The following MMP17 variants were observed in gnomAD, a reference collection of about 807,000 sequenced individuals.
MMP17 encodes the protein matrix metallopeptidase 17, also known as matrix metalloproteinase-17.
MMP17 carries 54 observed loss-of-function variants against 49.1 expected under a neutral mutation model. The ratio of observed to expected loss-of-function variants is 1.10; its 90% CI spans 0.88 to 1.38. The LOEUF (loss-of-function observed/expected upper bound fraction) is 1.38, where lower values mean the gene tolerates loss of function less well. Ranked by LOEUF, MMP17 falls within the 40% of genes most tolerant of loss-of-function variation. The probability of loss-of-function intolerance (pLI) is 0.00; values close to 1 mark genes in which losing one functional copy is unlikely to be tolerated. For missense variants in MMP17, 837 were observed against 853.7 expected (o/e 0.98, Z 0.24); for synonymous variants, 397 against 383.1 (o/e 1.04, Z -0.42).
chr12:131,848,663 T>G (rs1887825257), intron 8 of MMP17, among the ~76,000 whole-genome samples: 1 of 152,044 alleles, frequency 6.6e-6, no homozygotes, highest in African/African-American at 2.4e-5. Flanking sequence ...CCCATGTCAG[T>G]GGGACAGACA....
At chr12:131,843,832 A>C (rs1887550572) in intron 5 of MMP17, among the ~76,000 whole-genome samples, 165 bp from the exon 6 acceptor site, 1 of 152,084 alleles carries the variant, frequency 6.6e-6, no homozygotes, top group Non-Finnish European at 1.5e-5. Flanking sequence ...TCCCACCTCG[A>C]CGTCAGCTCT....
At chr12:131,850,213 C>A (rs1299057040) in intron 9 of MMP17, among the ~76,000 whole-genome samples, 154 bp downstream of exon 9, 1 of 152,144 alleles carries the variant, frequency 6.6e-6, no homozygotes, top group Non-Finnish European at 1.5e-5. Flanking sequence ...GAGCTGCCGA[C>A]CCTGCAGGCG....
In MMP17 at chr12:131,845,431, A is replaced by T. The variant is rs766447425; in HGVS notation, c.1186A>T (p.Lys396Ter). 1 of 1,572,760 alleles carries T rather than the reference A, an allele frequency of 6.4e-7. No homozygotes were observed. Among genetic ancestry groups the T allele is most frequent in the African/African-American group, 1.3e-5 (1 of 74,296 alleles). The change falls in exon 8 of 10, where the codon AAG becomes TAG. Residue 396 changes from lysine to a stop codon, truncating the protein, a stop_gained. Coordinates refer to ENST00000360564, the MANE Select transcript of MMP17 (RefSeq NM_016155.7). LOFTEE classifies it high-confidence loss of function. Reference sequence around the variant, plus strand: ...CGTGTACGAGCGCACCAGCGACCACAAGATCGTCTTCTTTAAAGGTGGGTG... The same window carrying T: ...CGTGTACGAGCGCACCAGCGACCACTAGATCGTCTTCTTTAAAGGTGGGTG... Reference protein sequence around the residue: ...DAVYERTSDHKIVFFKGDRYW... With the variant: ...DAVYERTSDH
rs1593241540 is a variant in MMP17 at position 131,851,189 on chromosome 12, C to T, written c.1727C>T (p.Pro576Leu). 1.4e-6 allele frequency: 2 copies of T among 1,465,826 alleles called. No individual in the cohort carries two copies. Among genetic ancestry groups the T allele is most frequent in the East Asian group, 2.6e-5 (1 of 38,028 alleles). The allele number at this position is 1,465,826 out of a possible 1,614,324, so 90.8% of individuals were successfully genotyped here. A position where few individuals can be genotyped will look rare whatever the true frequency, so the allele number is the denominator to read the frequency against. Reference protein sequence around the residue: ...GASSPPGAPGPLVAATMLLLL... With the variant: ...GASSPPGAPGLLVAATMLLLL... ...TCCTCTCCCCCGGGGGCCCCAGGCC[C>T]ACTGGTGGCTGCCACCATGCTGCTG... Residue 576 changes from proline to leucine, a missense_variant, in exon 10 of 10, where the codon CCA (proline) becomes CTA (leucine). Transcript: ENST00000360564.
intron 5 of MMP17, among the ~76,000 whole-genome samples, chr12:131,843,609 G>T (rs1409271818): frequency 6.6e-6 from 1 of 152,156 alleles, no homozygotes; most frequent in East Asian, 1.9e-4. Flanking sequence ...GATTTGACCT[G>T]GATTTATTCT....
At chr12:131,835,154 C>A (rs1887015638) in intron 1 of MMP17, among the ~76,000 whole-genome samples, 1 of 152,236 alleles carries the variant, frequency 6.6e-6, no homozygotes, top group Non-Finnish European at 1.5e-5. Flanking sequence ...TGGGGCACAG[C>A]CCCCTGAGCA....
Position 131,851,073 on chromosome 12 carries a change from C to A in MMP17, c.1611C>A (p.Asp537Glu). ...ATGGATCTGTGGCTGCGGGCGTGGA[C>A]GCGGCAGAGGGGCCCCGCGCCCCTC... The part of the protein sequence containing the change: ...QADGSVAAGV[D>E]AAEGPRAPPG... Residue 537 changes from aspartate (D) to glutamate (E), a missense_variant, in exon 10 of 10, where the codon GAC becomes GAA. Transcript: ENST00000360564. The A allele has an allele frequency of 6.2e-7, 1 of 1,606,784 alleles. No individual in the cohort carries two copies. The highest frequency in any genetic ancestry group is 1.1e-5 in the South Asian group (1 of 90,060).
At chr12:131,838,103 C>T (rs1887174552) in intron 1 of MMP17, 92 bp from the exon 2 acceptor site, 1 of 1,464,868 alleles carries the variant, frequency 6.8e-7, no homozygotes, top group Admixed American at 2.2e-5. Flanking sequence ...GGGAGGGGGC[C>T]TGCCCGGAAG....
intron 8 of MMP17, among the ~76,000 whole-genome samples, chr12:131,847,766 T>G (rs1295653827): frequency 6.6e-6 from 1 of 152,278 alleles, no homozygotes; most frequent in Admixed American, 6.5e-5. Context: ...GAGGTGTGTC[T>G]GCAGGTTTCG....
intron 9 of MMP17, 110 bp downstream of exon 9, chr12:131,850,169 G>A (rs961071911): frequency 1.3e-5 from 18 of 1,397,172 alleles, no homozygotes; most frequent in African/African-American, 5.8e-5. Flanking sequence ...GGCCCCGGTC[G>A]GTGTGGGCTC....
Position 131,851,029 on chromosome 12 carries a change from T to C in MMP17, c.1567T>C (p.Cys523Arg), listed in dbSNP as rs777336435. The C allele has an allele frequency of 6.2e-7, 1 of 1,608,404 alleles. No homozygotes were observed. The highest frequency in any genetic ancestry group is 1.7e-5 in the Admixed American group (1 of 59,540). Residue 523 changes from cysteine to arginine, a missense_variant, in exon 10 of 10, where the codon TGT becomes CGT. Transcript: ENST00000360564. The stretch of plus-strand genomic sequence containing the variant: ...GTCCACGGCCCGGGACTGGCTGGTG[T>C]GTGGAGACTCACAGGCCGATGGATC... Reference protein sequence around the residue: ...PQSTARDWLVCGDSQADGSVA... With the variant: ...PQSTARDWLVRGDSQADGSVA...
intron 1 of MMP17, among the ~76,000 whole-genome samples, chr12:131,835,944 C>T (rs888247972): frequency 3.9e-5 from 6 of 152,298 alleles, no homozygotes; most frequent in Admixed American, 2.0e-4. Context: ...AGTGTGGGAC[C>T]GGATGCTCGG....
At chr12:131,829,347 C>T (rs1227673565) in intron 1 of MMP17, among the ~76,000 whole-genome samples, 5 of 152,356 alleles carry the variant, frequency 3.3e-5, no homozygotes, top group African/African-American at 4.8e-5. Flanking sequence ...GAAACCCTGC[C>T]TGGGGGCAGC....
Position 131,845,200 on chromosome 12 carries a change from G to C in MMP17, c.1051G>C (p.Gly351Arg). 1 of 1,614,068 alleles carries C rather than the reference G, an allele frequency of 6.2e-7. No homozygotes were observed. Among genetic ancestry groups the C allele is most frequent in the South Asian group, 1.1e-5 (1 of 91,082 alleles). ...CCGGGGTGAAGCTTTCTTCTTCAAAGGTACCTCCAGGGTTCCCGTGGCGGT... is the reference window on the plus strand; with the variant it reads ...CCGGGGTGAAGCTTTCTTCTTCAAACGTACCTCCAGGGTTCCCGTGGCGGT... The part of the protein sequence containing the change: ...QIRGEAFFFK[G>R]KYFWRLTRDR... The change falls in exon 7 of 10, where the codon GGC becomes CGC. Residue 351 changes from glycine to arginine, a missense_variant and splice_region_variant. Transcript: ENST00000360564.
chr12:131,844,249 C>T (rs994821181), intron 6 of MMP17, 168 bp downstream of exon 6: 11 of 621,066 alleles, frequency 1.8e-5, no homozygotes, highest in East Asian at 6.2e-5. Flanking sequence ...CATCTAATAC[C>T]GGCCCTCCCC....
chr12:131,851,316 G>C lies in MMP17; in HGVS notation c.*42G>C. 1 of 1,354,858 alleles carries C rather than the reference G, an allele frequency of 7.4e-7. No individual in the cohort carries two copies. The highest frequency in any genetic ancestry group is 9.5e-7 in the Non-Finnish European group (1 of 1,050,678). The allele number at this position is 1,354,858 out of a possible 1,614,324, so 83.9% of individuals were successfully genotyped here. A position where few individuals can be genotyped will look rare whatever the true frequency, so the allele number is the denominator to read the frequency against. ...ATGAGAGGACAGAGGCGGTGGGACA[G>C]CCTGGCCACAGAGGGCAAGGACTGT... On this transcript the variant is annotated 3_prime_UTR_variant, in exon 10 of 10. Coordinates refer to ENST00000360564, the MANE Select transcript of MMP17 (RefSeq NM_016155.7).
intron 1 of MMP17, among the ~76,000 whole-genome samples, chr12:131,834,133 C>T (rs527538313): frequency 1.9e-3 from 286 of 152,342 alleles, no homozygotes; most frequent in Non-Finnish European, 2.8e-3. Flanking sequence ...CCTCTGGCCT[C>T]TGTGTCCCCA....
In MMP17 at chr12:131,845,424, C is replaced by A. The variant is rs200341756; in HGVS notation, c.1179C>A (p.Ser393Arg). The part of the protein sequence containing the change: ...DSVDAVYERT[S>R]DHKIVFFKGD... ...TGGACGCCGTGTACGAGCGCACCAG[C>A]GACCACAAGATCGTCTTCTTTAAAG... Residue 393 changes from serine to arginine, a missense_variant, in exon 8 of 10, where the codon AGC (serine) becomes AGA (arginine). By Grantham distance (110) the Ser-to-Arg change is moderately radical. Coordinates refer to ENST00000360564, the MANE Select transcript of MMP17 (RefSeq NM_016155.7). 3.2e-6 allele frequency: 5 copies of A among 1,576,434 alleles called. No individual in the cohort carries two copies. In the African/African-American group the frequency reaches 6.7e-5, roughly 21 times the overall value.
chr12:131,847,274 G>A (rs529031939), intron 8 of MMP17, among the ~76,000 whole-genome samples: 108 of 151,944 alleles, frequency 7.1e-4, no homozygotes, highest in Non-Finnish European at 5.4e-4. Context: ...TTTGCCGGGC[G>A]TGGTGGCGGG....
Sources: gnomAD v4.1 joint callset for allele counts (sites outside exome capture counted in the v4.1 genomes callset) on GRCh38, gnomAD v4.1.1 for gene constraint, MANE v1.5 for transcripts, NCBI Gene and HGNC (gene_info 2026-07-23, HGNC 2026-07-21) for gene names.